The following PCDHGA9 variants were observed in gnomAD, a reference collection of about 807,000 sequenced individuals.
PCDHGA9 encodes the protein protocadherin gamma-A9.
Under a neutral mutation model 62.5 loss-of-function variants are expected in PCDHGA9, and 37 were observed. The observed-to-expected ratio is 0.59, with a 90% CI of 0.46 to 0.78. The LOEUF (loss-of-function observed/expected upper bound fraction) is 0.78. PCDHGA9 is among the 30% of genes least tolerant of loss of function. PCDHGA9 has a pLI of 0.00. For synonymous variants in PCDHGA9, 459 were observed against 484.6 expected (o/e 0.95, Z 0.69); for missense variants, 1,138 against 1,166.2 (o/e 0.98, Z 0.35).
chr5:141,506,577 A>G (rs2099855057), intron 3 of PCDHGA9, among the ~76,000 whole-genome samples: 1 of 152,162 alleles, frequency 6.6e-6, no homozygotes, highest in South Asian at 2.1e-4. Flanking sequence ...TTCACTTACT[A>G]TTAATGGGCA....
At chr5:141,419,187 C>G (rs1179461161) in intron 1 of PCDHGA9, 4 of 1,614,024 alleles carry the variant, frequency 2.5e-6, no homozygotes, top group Non-Finnish European at 2.5e-6. Context: ...CTGCACATTA[C>G]TGACGTCAAT....
At chr5:141,510,849 G>C (rs959784028) in intron 3 of PCDHGA9, 98 bp from the exon 4 acceptor site, 10 of 1,596,568 alleles carry the variant, frequency 6.3e-6, no homozygotes, top group Middle Eastern at 1.7e-4. Flanking sequence ...CAAGGCCCAG[G>C]GTGCTGTATA....
At chr5:141,408,889 A>T in intron 1 of PCDHGA9, 3 of 1,613,232 alleles carry the variant, frequency 1.9e-6, no homozygotes, top group Non-Finnish European at 2.5e-6. Flanking sequence ...CTCACATAGA[A>T]ATTTCTGTCA....
chr5:141,463,596 C>T (rs922480221), intron 1 of PCDHGA9, among the ~76,000 whole-genome samples: 5 of 151,874 alleles, frequency 3.3e-5, no homozygotes, highest in Admixed American at 2.0e-4. Flanking sequence ...CTACAGGTGC[C>T]TGCCACCATG....
intron 1 of PCDHGA9, among the ~76,000 whole-genome samples, chr5:141,435,921 C>T (rs767290430): frequency 1.3e-5 from 2 of 152,186 alleles, no homozygotes; most frequent in Admixed American, 6.5e-5. Context: ...CTCTAAAATG[C>T]GGCAGTTGCT....
rs200868391 is a variant in PCDHGA9 at position 141,415,586 on chromosome 5, C to T, written c.2424+10210C>T. 540 of 1,613,746 alleles carry T rather than the reference C, an allele frequency of 3.3e-4. No individual in the cohort carries two copies. Among genetic ancestry groups the T allele is most frequent in the Non-Finnish European group, 4.5e-4 (527 of 1,179,996 alleles). ...TCTTTGTTAGATGATTCGAAGTTTCCTATAGAGGATACCCCATTGGTTCCA... is the reference window on the plus strand; with the variant it reads ...TCTTTGTTAGATGATTCGAAGTTTCTTATAGAGGATACCCCATTGGTTCCA... On this transcript the variant is annotated intron_variant, in intron 1 of 3. Coordinates refer to ENST00000573521, the MANE Select transcript of PCDHGA9 (RefSeq NM_018921.3).
Position 141,432,325 on chromosome 5 carries a change from C to CGAGCA in PCDHGA9, c.2424+26951_2424+26955dup, listed in dbSNP as rs768604869. On this transcript the variant is annotated intron_variant, in intron 1 of 3. Coordinates refer to ENST00000573521, the MANE Select transcript of PCDHGA9 (RefSeq NM_018921.3). This position sits in a 1 kb window ranked among gnomAD's most constrained non-coding sequence, Gnocchi z 6.0. Reference sequence around the variant, plus strand: ...TGTATGCGCTGAGCTCCTTCGACTACGAGCAGTTCCGAGACTTGCAAGTGA... The same window carrying CGAGCA: ...TGTATGCGCTGAGCTCCTTCGACTACGAGCAGAGCAGTTCCGAGACTTGCAAGTGA... 20 of 1,614,142 alleles carry CGAGCA rather than the reference C, an allele frequency of 1.2e-5. No individual in the cohort carries two copies. Among genetic ancestry groups the CGAGCA allele is most frequent in the Non-Finnish European group, 1.7e-5 (20 of 1,180,050 alleles).
chr5:141,505,616 C>A, intron 3 of PCDHGA9, 135 bp downstream of exon 3: 1 of 1,503,160 alleles, frequency 6.7e-7, no homozygotes. Flanking sequence ...CTGAAAGGAC[C>A]CACAATTCCA....
intron 1 of PCDHGA9, chr5:141,422,655 C>G (rs188587553): frequency 1.2e-6 from 2 of 1,610,122 alleles, no homozygotes; most frequent in South Asian, 2.2e-5. Context: ...TCTCAGTGAC[C>G]GCCCTCGACC....
rs778586702 is a variant in PCDHGA9, at chr5:141,404,963, A to G, written c.2011A>G (p.Ile671Val). 8.7e-6 allele frequency: 14 copies of G among 1,613,744 alleles called. No homozygotes were observed. In the South Asian group the frequency reaches 1.5e-4, roughly 18 times the overall value. ...AGCCATAGCTGACAGCATCCCAGAC[A>G]TCCTGGCTGACCTGGGCAGTCTTCA... Reference protein sequence around the residue: ...TVAIADSIPDILADLGSLQIP... With the variant: ...TVAIADSIPDVLADLGSLQIP... The change falls in exon 1 of 4, where the codon ATC becomes GTC. Residue 671 changes from isoleucine (I) to valine (V), a missense_variant. Transcript: ENST00000573521.
intron 1 of PCDHGA9, among the ~76,000 whole-genome samples, chr5:141,429,890 C>A (rs2097251428): frequency 6.6e-6 from 1 of 152,112 alleles, no homozygotes; most frequent in African/African-American, 2.4e-5. Context: ...GTTTCCTGAA[C>A]AATAAATATT....
intron 1 of PCDHGA9, among the ~76,000 whole-genome samples, chr5:141,467,341 C>T (rs1169830103): frequency 6.6e-6 from 1 of 152,214 alleles, no homozygotes; most frequent in Non-Finnish European, 1.5e-5. Context: ...ACGTAAGCCA[C>T]TGCCCCCGGC....
At chr5:141,478,050 C>G (rs2099429383) in intron 1 of PCDHGA9, 2 of 1,614,184 alleles carry the variant, frequency 1.2e-6, no homozygotes, top group South Asian at 2.2e-5. Context: ...CAGACTCTCA[C>G]GGTCTTGATC....
chr5:141,470,444 A>G (rs970120314), intron 1 of PCDHGA9, among the ~76,000 whole-genome samples: 8 of 152,222 alleles, frequency 5.3e-5, no homozygotes, highest in African/African-American at 1.9e-4. Context: ...ATAATTTAAT[A>G]GCATCTTGAA....
In PCDHGA9 at chr5:141,448,129, C is replaced by A. The variant is rs116387986; in HGVS notation, c.2424+42753C>A. On this transcript the variant is annotated intron_variant, in intron 1 of 3. Coordinates refer to ENST00000573521, the MANE Select transcript of PCDHGA9 (RefSeq NM_018921.3). Reference sequence around the variant, plus strand: ...AGAAAAGAAAATTAGCCTCCCCCACCCTCACTATACCTCAGACTCACCCCT... The same window carrying A: ...AGAAAAGAAAATTAGCCTCCCCCACACTCACTATACCTCAGACTCACCCCT... 4.4e-3 allele frequency among the ~76,000 whole-genome samples: 671 copies of A among 152,002 alleles called. 4 individuals carry two copies. Among genetic ancestry groups the A allele is most frequent in the African/African-American group, 0.015 (612 of 41,466 alleles).
chr5:141,430,720 T>G, intron 1 of PCDHGA9: 1 of 1,486,390 alleles, frequency 6.7e-7, no homozygotes, highest in East Asian at 2.4e-5. Flanking sequence ...ACTTCAGTGG[T>G]TAAGGGCAGA....
chr5:141,445,537 G>A (rs1266179512), intron 1 of PCDHGA9, among the ~76,000 whole-genome samples: 1 of 152,182 alleles, frequency 6.6e-6, no homozygotes, highest in African/African-American at 2.4e-5. Flanking sequence ...AAGCCAACAA[G>A]GAGAAATACA....
chr5:141,486,637 G>A lies in PCDHGA9; in HGVS notation c.2425-8170G>A, dbSNP rs761072169. On this transcript the variant is annotated intron_variant, in intron 1 of 3. Transcript: ENST00000573521. The surrounding 1 kb of genome is among the most constrained non-coding windows in gnomAD (Gnocchi z 5.0). ...CTGACCCAGACTCTGGCTTGAATGC[G>A]CTTATCTCCTACTCACTCCTGGAGC... 3.1e-5 allele frequency: 50 copies of A among 1,613,520 alleles called. No individual in the cohort carries two copies. The highest frequency in any genetic ancestry group is 5.0e-5 in the Admixed American group (3 of 60,000).
rs2099883850 is a variant in PCDHGA9, at chr5:141,511,565, A to T, written c.*392A>T. The T allele has an allele frequency of 3.4e-6, 1 of 295,974 alleles. No homozygotes were observed. Among genetic ancestry groups the T allele is most frequent in the African/African-American group, 2.2e-5 (1 of 46,502 alleles). The allele number at this position is 295,974 out of a possible 1,614,324, so 18.3% of individuals were successfully genotyped here. The stretch of plus-strand genomic sequence containing the variant: ...CCACTCCAACAGTTCCTCTTTCCCG[A>T]GTAAGGTGGTTGGGGTGTTGAAGTA... On this transcript the variant is annotated 3_prime_UTR_variant, in exon 4 of 4. Coordinates refer to ENST00000573521, the MANE Select transcript of PCDHGA9 (RefSeq NM_018921.3).
Sources: allele counts gnomAD v4.1 joint callset (sites outside exome capture counted in the v4.1 genomes callset), GRCh38; gene constraint gnomAD v4.1.1; non-coding constraint Gnocchi (gnomAD v3.1); transcripts MANE v1.5; gene names NCBI Gene and HGNC (gene_info 2026-07-23, HGNC 2026-07-21).